The following SNX2 variants were observed in gnomAD, a reference collection of about 807,000 sequenced individuals.
SNX2 encodes the protein sorting nexin-2.
A neutral mutation model predicts 69.9 loss-of-function variants in SNX2; 25 were observed. The ratio of observed to expected loss-of-function variants is 0.36; its 90% CI spans 0.26 to 0.50. The LOEUF (loss-of-function observed/expected upper bound fraction) is 0.50. SNX2 is among the 20% of genes least tolerant of loss of function. The probability of loss-of-function intolerance (pLI) is 0.97; values close to 1 mark genes in which losing one functional copy is unlikely to be tolerated. For missense variants in SNX2, 551 were observed against 613.3 expected (o/e 0.90, Z 1.07); for synonymous variants, 229 against 200.4 (o/e 1.14, Z -1.20).
chr5:122,828,135 GTATAT>G (rs2150019045), intron 14 of SNX2: 1 of 151,952 alleles, frequency 6.6e-6, no homozygotes, highest in South Asian at 2.1e-4. Flanking sequence ...GATTTTAATG[GTATAT>G]TAAATAAAAA....
rs1754335081 is a variant in SNX2, at chr5:122,833,309, A to AAGAT, written c.*3664_*3667dup. ...TCCTGCATTTTTGATGAGGGCCATG[A>AAGAT]AGATAGGTCATGGTAATCTATGGAG... On this transcript the variant is annotated 3_prime_UTR_variant, in exon 15 of 15. Transcript: ENST00000379516. 2 of 152,218 alleles carry AAGAT rather than the reference A, an allele frequency of 1.3e-5. No individual in the cohort carries two copies. Among genetic ancestry groups the AAGAT allele is most frequent in the African/African-American group, 2.4e-5 (1 of 41,460 alleles). The allele number at this position is 152,218 out of a possible 1,614,324, so 9.4% of individuals were successfully genotyped here. A position where few individuals can be genotyped will look rare whatever the true frequency, so the allele number is the denominator to read the frequency against.
At chr5:122,792,912 C>T (rs911635588) in intron 1 of SNX2, among the ~76,000 whole-genome samples, 1 of 152,000 alleles carries the variant, frequency 6.6e-6, no homozygotes. Flanking sequence ...AATGCAAATT[C>T]AGAACACAAT....
intron 7 of SNX2, among the ~76,000 whole-genome samples, chr5:122,813,350 T>C (rs1753823199): frequency 6.6e-6 from 1 of 152,082 alleles, no homozygotes; most frequent in South Asian, 2.1e-4. Flanking sequence ...ATACATGTAT[T>C]TTTTAGTATA....
chr5:122,804,961 A>G (rs1197586084), intron 6 of SNX2, among the ~76,000 whole-genome samples: 1 of 151,870 alleles, frequency 6.6e-6, no homozygotes, highest in African/African-American at 2.4e-5. Flanking sequence ...GTTTTTTGAG[A>G]CGGAGTCTCG....
chr5:122,789,906 CAGAG>C (rs1200258139), intron 1 of SNX2, among the ~76,000 whole-genome samples: 3 of 152,198 alleles, frequency 2.0e-5, no homozygotes, highest in African/African-American at 7.2e-5. Context: ...TAGTTATAAT[CAGAG>C]AGAGAGGCTC....
Position 122,833,920 on chromosome 5 carries a change from A to G in SNX2, c.*4272A>G, listed in dbSNP as rs1171905907. 6.6e-6 allele frequency: 1 copy of G among 152,212 alleles called. No homozygotes were observed. Among genetic ancestry groups the G allele is most frequent in the Non-Finnish European group, 1.5e-5 (1 of 68,024 alleles). 9.4% of individuals were successfully genotyped at this position (152,212 alleles called of 1,614,324 possible). On this transcript the variant is annotated 3_prime_UTR_variant, in exon 15 of 15. Transcript: ENST00000379516. ...AGACTTTGTAGCATAATGTTTTGCA[A>G]GTAGTGGATGTTCAATATCTACAAT...
chr5:122,809,507 A>G (rs988782306), intron 7 of SNX2, among the ~76,000 whole-genome samples: 1 of 152,228 alleles, frequency 6.6e-6, no homozygotes, highest in East Asian at 1.9e-4. Context: ...CTATGCTGAC[A>G]AAGTGAGAAA....
In SNX2 at chr5:122,817,301, C is replaced by A. The variant is rs373778409; in HGVS notation, c.934C>A (p.Gln312Lys). 115 of 1,613,786 alleles carry A rather than the reference C, an allele frequency of 7.1e-5. No individual in the cohort carries two copies. The Middle Eastern group carries it at 8.3e-4, about 12-fold the overall frequency. Reference sequence around the variant, plus strand: ...TTAGTGGTTTGAAGAAAAGCAGCAGCAATTTGAGAATCTGGATCAGCAACT... The same window carrying A: ...TTAGTGGTTTGAAGAAAAGCAGCAGAAATTTGAGAATCTGGATCAGCAACT... ...SDAWFEEKQQ[Q>K]FENLDQQLRK... Residue 312 changes from glutamine (Q) to lysine (K), a missense_variant, in exon 10 of 15, where the codon CAA becomes AAA. Gln to Lys is a moderately conservative substitution (Grantham distance 53, BLOSUM62 1). Around this residue, in one of 2 missense-constraint regions of SNX2, gnomAD observed 360 missense variants for 450.4 expected, o/e 0.80. Coordinates refer to ENST00000379516, the MANE Select transcript of SNX2 (RefSeq NM_003100.4).
intron 1 of SNX2, among the ~76,000 whole-genome samples, chr5:122,789,288 T>C (rs1363531915): frequency 1.3e-5 from 2 of 152,156 alleles, no homozygotes; most frequent in African/African-American, 4.8e-5. Flanking sequence ...TGCTGTGCTG[T>C]TTGGCTACAC....
chr5:122,789,486 C>CGG (rs1265857903), intron 1 of SNX2, among the ~76,000 whole-genome samples: 19 of 150,812 alleles, frequency 1.3e-4, no homozygotes, highest in Admixed American at 9.9e-4. Context: ...CACACACACA[C>CGG]ACACACACAC....
intron 1 of SNX2, among the ~76,000 whole-genome samples, chr5:122,787,499 G>A (rs1401051102): frequency 1.3e-5 from 2 of 152,102 alleles, no homozygotes; most frequent in Admixed American, 1.3e-4. Context: ...CAGCCTGGGG[G>A]ACAGAGCAAG....
At chr5:122,805,668 CGGTTCAATCCAAAGTGTTGAATCAGGGAT>C (rs1212891191) in intron 6 of SNX2, among the ~76,000 whole-genome samples, 1 of 151,806 alleles carries the variant, frequency 6.6e-6, no homozygotes, top group Non-Finnish European at 1.5e-5. Flanking sequence ...TCTATAGGGA[CGGTTCAATCCAAAGTGTTGAATCAGGGAT>C]GGTTCAATCC....
intron 6 of SNX2, among the ~76,000 whole-genome samples, chr5:122,804,201 A>G (rs557040004): frequency 3.2e-4 from 48 of 152,244 alleles, no homozygotes; most frequent in African/African-American, 1.0e-3. Flanking sequence ...CTAGATTACC[A>G]TTTTACTGAG....
At chr5:122,788,549 C>G (rs1028778296) in intron 1 of SNX2, among the ~76,000 whole-genome samples, 10 of 152,260 alleles carry the variant, frequency 6.6e-5, no homozygotes, top group South Asian at 2.1e-4. Context: ...TTTTCAACTT[C>G]TTTTCTCAGG....
intron 7 of SNX2, among the ~76,000 whole-genome samples, chr5:122,814,274 CAA>C (rs1207568078): frequency 1.3e-5 from 2 of 152,162 alleles, no homozygotes; most frequent in Admixed American, 1.3e-4. Flanking sequence ...AATTGTAAGT[CAA>C]ATTCAAGTGG....
intron 7 of SNX2, chr5:122,815,675 C>T (rs974608169): frequency 2.0e-5 from 6 of 307,130 alleles, no homozygotes; most frequent in African/African-American, 1.1e-4. Context: ...TCTCTTTTTA[C>T]GTAATTATGA....
At chr5:122,826,333 T>C in intron 12 of SNX2, 140 bp downstream of exon 12, 1 of 686,372 alleles carries the variant, frequency 1.5e-6, no homozygotes, top group East Asian at 2.9e-5. Context: ...AGAATTACTT[T>C]AACATTTTGA....
chr5:122,778,555 G>A (rs1315871434), intron 1 of SNX2, among the ~76,000 whole-genome samples: 2 of 151,882 alleles, frequency 1.3e-5, no homozygotes, highest in African/African-American at 4.8e-5. Context: ...GTCACCCAGG[G>A]TGGAGTGCAG....
intron 7 of SNX2, among the ~76,000 whole-genome samples, chr5:122,810,399 T>TA (rs928838303): frequency 0.025 from 3,003 of 122,236 alleles, 105 homozygotes; most frequent in African/African-American, 0.065. Context: ...AATGATCAAT[T>TA]AAAAAAAAAA....
Sources: allele counts gnomAD v4.1 joint callset (sites outside exome capture counted in the v4.1 genomes callset), GRCh38; gene constraint gnomAD v4.1.1; regional missense constraint gnomAD v4.1.1; transcripts MANE v1.5; gene names NCBI Gene and HGNC (gene_info 2026-07-23, HGNC 2026-07-21).